The following SYNJ2 variants were observed in gnomAD, a reference collection of about 807,000 sequenced individuals.
SYNJ2 encodes the protein synaptojanin 2.
SYNJ2 carries 116 observed loss-of-function variants against 141.3 expected under a neutral mutation model. That is an observed-to-expected ratio of 0.82 (90% CI 0.71 to 0.96). SYNJ2 has a LOEUF of 0.96. SYNJ2 is among the 40% of genes least tolerant of loss of function. SYNJ2 has a pLI of 0.00. For missense variants in SYNJ2, 1,873 were observed against 1,934.8 expected, an observed-to-expected ratio of 0.97 and a Z score of 0.60; for synonymous variants, 745 against 777.7, an observed-to-expected ratio of 0.96 and a Z score of 0.70.
In SYNJ2 at chr6:158,086,869, G is replaced by T. The variant is rs61747269; in HGVS notation, c.3223G>T (p.Val1075Leu). The T allele has an allele frequency of 1.2e-6, 2 of 1,611,486 alleles. No individual in the cohort carries two copies. The highest frequency in any genetic ancestry group is 1.3e-5 in the African/African-American group (1 of 74,926). ...ATGTCCTCCAGATGACGCGGACCTG[G>T]TGGAGCTCAAGCGGGAGCTGGAAGC... ...HPTYKDDADL[V>L]ELKRELEAVG... Residue 1075 changes from valine (V) to leucine (L), a missense_variant, in exon 23 of 27, where the codon GTG becomes TTG. Transcript: ENST00000355585.
intron 25 of SYNJ2, among the ~76,000 whole-genome samples, chr6:158,091,751 T>TAAA (rs35408343): frequency 3.0e-5 from 3 of 101,010 alleles, no homozygotes; most frequent in Admixed American, 1.0e-4. Flanking sequence ...CTCTGTCTCA[T>TAAA]AAAAAAAAAA....
chr6:158,000,467 C>T (rs765217819), intron 1 of SYNJ2, among the ~76,000 whole-genome samples: 42 of 152,098 alleles, frequency 2.8e-4, no homozygotes, highest in Non-Finnish European at 5.3e-4. Flanking sequence ...CTCAGTAGGC[C>T]GTCTCATAGC....
intron 5 of SYNJ2, among the ~76,000 whole-genome samples, chr6:158,050,466 G>A (rs1194310376): frequency 6.6e-6 from 1 of 152,262 alleles, no homozygotes; most frequent in Non-Finnish European, 1.5e-5. Flanking sequence ...CTCTGAGGTA[G>A]AAAGGTTTGT....
upstream of SYNJ2, among the ~76,000 whole-genome samples, chr6:157,981,526 A>T (rs984060654): frequency 6.6e-6 from 1 of 152,026 alleles, no homozygotes; most frequent in African/African-American, 2.4e-5. The surrounding 1 kb of genome is among the most constrained non-coding windows in gnomAD (Gnocchi z 6.4). Flanking sequence ...CAGCGGGTCC[A>T]GCCTGGCGGA....
chr6:158,057,921 G>C (rs1490154230), intron 6 of SYNJ2, among the ~76,000 whole-genome samples: 2 of 152,248 alleles, frequency 1.3e-5, no homozygotes, highest in Non-Finnish European at 2.9e-5. Context: ...GGAGACGGGA[G>C]CCCGGGAGGG....
chr6:158,049,874 G>A (rs1056744095), intron 5 of SYNJ2, among the ~76,000 whole-genome samples: 1 of 151,350 alleles, frequency 6.6e-6, no homozygotes, highest in Non-Finnish European at 1.5e-5. Context: ...GTGGGGACAT[G>A]GCTCTGCAGG....
intron 8 of SYNJ2, among the ~76,000 whole-genome samples, chr6:158,062,839 G>A (rs1052710277): frequency 6.6e-6 from 1 of 151,990 alleles, no homozygotes; most frequent in African/African-American, 2.4e-5. Context: ...ACATTTGTGG[G>A]GTCTTTGTTA....
At chr6:158,026,692 T>C (rs2128334739) in intron 2 of SYNJ2, among the ~76,000 whole-genome samples, 1 of 152,330 alleles carries the variant, frequency 6.6e-6, no homozygotes, top group East Asian at 1.9e-4. Context: ...GAGGAAGTGG[T>C]GCTAGAAATC....
rs545768887 is a variant in SYNJ2 at position 158,017,079 on chromosome 6, G to A, written c.128-125G>A. 32 of 1,415,476 alleles carry A rather than the reference G, an allele frequency of 2.3e-5. No homozygotes were observed. In the Admixed American group the frequency reaches 3.3e-4, roughly 15 times the overall value. 87.7% of individuals were successfully genotyped at this position (1,415,476 alleles called of 1,614,324 possible). On this transcript the variant is annotated intron_variant, in intron 1 of 26. Transcript: ENST00000355585. ...CCTCCACACTTGGTGTTTGTGGGCCGAGCTATTGTCTTTGTGTTTTCTTTT... is the reference window on the plus strand; with the variant it reads ...CCTCCACACTTGGTGTTTGTGGGCCAAGCTATTGTCTTTGTGTTTTCTTTT...
chr6:158,077,968 T>G, intron 17 of SYNJ2, 196 bp from the exon 18 acceptor site: 1 of 498,570 alleles, frequency 2.0e-6, no homozygotes, highest in Non-Finnish European at 3.7e-6. Flanking sequence ...TTTTGAATAA[T>G]TATATGCGAG....
At chr6:158,069,501 T>C in intron 13 of SYNJ2, 32 bp from the exon 14 acceptor site, 1 of 1,602,490 alleles carries the variant, frequency 6.2e-7, no homozygotes, top group Non-Finnish European at 8.5e-7. Flanking sequence ...TCCAGCTACC[T>C]GTAAACAGCA....
intron 13 of SYNJ2, 113 bp downstream of exon 13, chr6:158,068,841 TG>T: frequency 8.7e-7 from 1 of 1,148,088 alleles, no homozygotes; most frequent in Non-Finnish European, 1.3e-6. Context: ...CCAGCTAAGC[TG>T]TGGCCCTGGC....
intron 5 of SYNJ2, among the ~76,000 whole-genome samples, chr6:158,049,680 C>G (rs1400295081): frequency 6.6e-6 from 1 of 152,202 alleles, no homozygotes; most frequent in Non-Finnish European, 1.5e-5. Flanking sequence ...TGAGCCTGGT[C>G]ATGGTGTCCC....
chr6:158,049,497 C>T (rs1022780789), intron 5 of SYNJ2, among the ~76,000 whole-genome samples: 15 of 152,168 alleles, frequency 9.9e-5, no homozygotes, highest in African/African-American at 3.1e-4. Flanking sequence ...GGCCCAGCTC[C>T]CCTCCACTTT....
chr6:158,042,448 A>C (rs1424286744), intron 4 of SYNJ2, among the ~76,000 whole-genome samples: 1 of 152,194 alleles, frequency 6.6e-6, no homozygotes, highest in Non-Finnish European at 1.5e-5. Context: ...GCCGGTGAGG[A>C]ACGGAAAGGA....
At chr6:158,094,476 T>C (rs1026711107) in intron 26 of SYNJ2, among the ~76,000 whole-genome samples, 1 of 148,272 alleles carries the variant, frequency 6.7e-6, no homozygotes, top group African/African-American at 2.5e-5. Context: ...AACTTCAAAA[T>C]TCAAAGTATG....
chr6:158,064,005 G>A (rs998566888), intron 9 of SYNJ2, 133 bp downstream of exon 9: 7 of 906,544 alleles, frequency 7.7e-6, no homozygotes, highest in Non-Finnish European at 1.0e-5. Context: ...TATGGGGAAG[G>A]TGGACAGGGA....
At chr6:157,983,809 CA>C (rs1394423107) in intron 1 of SYNJ2, among the ~76,000 whole-genome samples, 2 of 151,610 alleles carry the variant, frequency 1.3e-5, no homozygotes, top group African/African-American at 4.9e-5. Flanking sequence ...ATTCATTTTT[CA>C]GTAGAAAACT....
intron 16 of SYNJ2, among the ~76,000 whole-genome samples, chr6:158,074,965 C>T (rs1304907940): frequency 7.0e-6 from 1 of 143,804 alleles, no homozygotes; most frequent in African/African-American, 2.6e-5. Flanking sequence ...GAGTCTTGTT[C>T]AGTCACCCAG....
Sources: gnomAD v4.1 joint callset for allele counts (sites outside exome capture counted in the v4.1 genomes callset) on GRCh38, gnomAD v4.1.1 for gene constraint, Gnocchi (gnomAD v3.1) non-coding constraint, MANE v1.5 for transcripts, NCBI Gene and HGNC (gene_info 2026-07-23, HGNC 2026-07-21) for gene names.